The following PLCXD2 variants were observed in gnomAD, a reference collection of about 807,000 sequenced individuals.
PLCXD2 encodes phosphatidylinositol specific phospholipase C X domain containing 2.
In PLCXD2, 21 loss-of-function variants were observed where a neutral mutation model predicts 28.6. The observed-to-expected ratio is 0.73, with a 90% confidence interval of 0.52 to 1.06. The LOEUF is 1.06. PLCXD2 is among the 50% of genes least tolerant of loss of function. The pLI, the probability that PLCXD2 is intolerant of heterozygous loss-of-function variation, is 0.00. For missense variants in PLCXD2, 369 were observed against 376.7 expected, an observed-to-expected ratio of 0.98 and a Z score of 0.17; for synonymous variants, 140 against 150.1, an observed-to-expected ratio of 0.93 and a Z score of 0.49.
chr3:111,709,812 T>G (rs536998620), intron 2 of PLCXD2, among the ~76,000 whole-genome samples: 1 of 152,250 alleles, frequency 6.6e-6, no homozygotes, highest in African/African-American at 2.4e-5. Flanking sequence ...CATGTGAGCC[T>G]AGAAGGCCCT....
chr3:111,690,479 G>T (rs977536866), intron 1 of PLCXD2, among the ~76,000 whole-genome samples: 3 of 152,110 alleles, frequency 2.0e-5, no homozygotes, highest in Non-Finnish European at 4.4e-5. Context: ...CAAGGCTCCG[G>T]CACAGAAAAA....
intron 1 of PLCXD2, among the ~76,000 whole-genome samples, chr3:111,675,641 TTTTG>T (rs750794316): frequency 1.3e-5 from 2 of 152,242 alleles, no homozygotes; most frequent in Non-Finnish European, 2.9e-5. Context: ...TTTGTGGTTT[TTTTG>T]TTTGTTTGCT....
chr3:111,716,540 T>C (rs1012968387), intron 3 of PLCXD2, among the ~76,000 whole-genome samples: 7 of 152,170 alleles, frequency 4.6e-5, no homozygotes, highest in African/African-American at 9.7e-5. Flanking sequence ...CCCAGACTTA[T>C]AGAAACCTGA....
chr3:111,693,722 C>T (rs1447980896), intron 1 of PLCXD2, among the ~76,000 whole-genome samples: 3 of 152,124 alleles, frequency 2.0e-5, no homozygotes, highest in African/African-American at 4.8e-5. Flanking sequence ...TCCAGTATAC[C>T]AAGAAAAACA....
At chr3:111,720,403 G>A (rs1470866085) in intron 3 of PLCXD2, among the ~76,000 whole-genome samples, 3 of 152,014 alleles carry the variant, frequency 2.0e-5, no homozygotes, top group East Asian at 1.9e-4. Flanking sequence ...CCAAAGTGCC[G>A]GGATTACAGG....
intron 3 of PLCXD2, among the ~76,000 whole-genome samples, chr3:111,715,640 C>A (rs576834105): frequency 6.6e-6 from 1 of 152,288 alleles, no homozygotes; most frequent in South Asian, 2.1e-4. Flanking sequence ...ATCAAGTCAG[C>A]CTCTAGGATG....
At chr3:111,696,049 T>C (rs1940956417) in intron 1 of PLCXD2, among the ~76,000 whole-genome samples, 1 of 152,172 alleles carries the variant, frequency 6.6e-6, no homozygotes, top group African/African-American at 2.4e-5. Context: ...ATGGCAGTGA[T>C]GAGGGAGGAG....
At chr3:111,724,336 C>A (rs1343493063) in intron 3 of PLCXD2, 5 of 152,124 alleles carry the variant, frequency 3.3e-5, no homozygotes, top group African/African-American at 1.2e-4. Flanking sequence ...AGTTAAGCCA[C>A]AGTCCCAGGA....
At chr3:111,697,335 A>G (rs982104721) in intron 1 of PLCXD2, among the ~76,000 whole-genome samples, 3 of 152,204 alleles carry the variant, frequency 2.0e-5, no homozygotes, top group Non-Finnish European at 4.4e-5. Flanking sequence ...GTCTTCTAAG[A>G]AAGCAAAAAG....
At chr3:111,708,505 T>C (rs561225222) in intron 2 of PLCXD2, 119 bp downstream of exon 2, 2 of 1,002,914 alleles carry the variant, frequency 2.0e-6, no homozygotes, top group South Asian at 1.7e-5. Context: ...GTGGATTGTT[T>C]GGAATATTAA....
chr3:111,693,909 G>A (rs957882740), intron 1 of PLCXD2, among the ~76,000 whole-genome samples: 5 of 152,200 alleles, frequency 3.3e-5, no homozygotes, highest in Admixed American at 1.3e-4. Flanking sequence ...AGGAGGCAAG[G>A]TCCACAGAGC....
chr3:111,717,847 GA>G (rs1559798871), intron 3 of PLCXD2, among the ~76,000 whole-genome samples: 1 of 152,164 alleles, frequency 6.6e-6, no homozygotes, highest in East Asian at 1.9e-4. Context: ...TATCTTTAAG[GA>G]AGTCTGTATT....
chr3:111,694,426 T>A (rs1175050533), intron 1 of PLCXD2, among the ~76,000 whole-genome samples: 1 of 152,142 alleles, frequency 6.6e-6, no homozygotes, highest in Non-Finnish European at 1.5e-5. Context: ...TCTTATCGCA[T>A]GTTCATTTTC....
intron 3 of PLCXD2, among the ~76,000 whole-genome samples, chr3:111,715,563 G>A (rs191915072): frequency 1.5e-3 from 234 of 152,282 alleles, no homozygotes; most frequent in African/African-American, 5.4e-3. Flanking sequence ...CTAAGGATAA[G>A]TTATATCTGT....
At chr3:111,720,171 C>T (rs569191082) in intron 3 of PLCXD2, among the ~76,000 whole-genome samples, 1 of 152,128 alleles carries the variant, frequency 6.6e-6, no homozygotes, top group African/African-American at 2.4e-5. Context: ...ATTAAAGAAC[C>T]CATTAAAGCT....
At chr3:111,707,894 T>C in intron 1 of PLCXD2, 32 bp from the exon 2 acceptor site, 1 of 1,562,754 alleles carries the variant, frequency 6.4e-7, no homozygotes, top group South Asian at 1.2e-5. Context: ...TCCCGTCTCA[T>C]CTGCTTTCCT....
intron 1 of PLCXD2, among the ~76,000 whole-genome samples, chr3:111,697,893 T>G (rs1940985025): frequency 6.6e-6 from 1 of 152,196 alleles, no homozygotes; most frequent in African/African-American, 2.4e-5. Flanking sequence ...TATTAATAAT[T>G]TATAATTTTA....
intron 1 of PLCXD2, among the ~76,000 whole-genome samples, chr3:111,684,776 T>C (rs748007271): frequency 6.6e-6 from 1 of 152,008 alleles, no homozygotes; most frequent in Non-Finnish European, 1.5e-5. Context: ...GCACAAAGTA[T>C]ATGGGAACTA....
chr3:111,690,440 T>C (rs1186057585), intron 1 of PLCXD2, among the ~76,000 whole-genome samples: 1 of 152,090 alleles, frequency 6.6e-6, no homozygotes, highest in Non-Finnish European at 1.5e-5. Flanking sequence ...AGCCCAGTGG[T>C]TTAAGTGGTC....
Sources: allele counts gnomAD v4.1 joint callset (sites outside exome capture counted in the v4.1 genomes callset), GRCh38; gene constraint gnomAD v4.1.1; transcripts MANE v1.5; gene names NCBI Gene and HGNC (gene_info 2026-07-23, HGNC 2026-07-21).